Variants in CD99L2 observed in about 807,000 individuals in gnomAD.
The protein encoded by CD99L2 is CD99 molecule like 2.
In CD99L2, 24 loss-of-function variants were observed where a neutral mutation model predicts 27.3. The ratio of observed to expected loss-of-function variants is 0.88; its 90% CI spans 0.64 to 1.24. The LOEUF is 1.24. Ranked by LOEUF, CD99L2 falls within the 50% of genes most tolerant of loss-of-function variation. The pLI is 0.00. For missense variants in CD99L2, 255 were observed against 221.6 expected (o/e 1.15, Z -0.96); for synonymous variants, 97 against 87.9 (o/e 1.10, Z -0.58).
At chrX:150,803,054 C>G (rs140805680) in intron 4 of CD99L2, among the ~76,000 whole-genome samples, 1 of 106,814 alleles carries the variant, frequency 9.4e-6, no homozygotes, top group Non-Finnish European at 1.9e-5. Context: ...TGCCACTACA[C>G]CCCGCTAATT....
intron 4 of CD99L2, among the ~76,000 whole-genome samples, chrX:150,806,649 G>A (rs1287912031): frequency 8.9e-6 from 1 of 111,866 alleles, no homozygotes. Flanking sequence ...CCAGCACTTT[G>A]GGAGGCCGAG....
intron 2 of CD99L2, 26 bp downstream of exon 2, chrX:150,831,205 A>G: frequency 8.9e-7 from 1 of 1,127,133 alleles, no homozygotes. Context: ...GTTTGTTTTT[A>G]ATAGTTTATT....
Position 150,793,680 on chromosome X carries a change from A to C in CD99L2, c.496+11T>G. 8.5e-7 allele frequency: 1 copy of C among 1,178,780 alleles called. No homozygotes were observed. Among genetic ancestry groups the C allele is most frequent in the Non-Finnish European group, 1.1e-6 (1 of 878,855 alleles). On this transcript the variant is annotated intron_variant, in intron 7 of 10. Transcript: ENST00000370377. ...AATAAGGGTTGTGTTGGCACAAATC[A>C]ATGCTCCTACCTTTACCCTTGTCAG...
intron 4 of CD99L2, among the ~76,000 whole-genome samples, chrX:150,803,874 G>A (rs1471802755): frequency 1.8e-5 from 2 of 111,917 alleles, no homozygotes; most frequent in Admixed American, 1.9e-4. Flanking sequence ...TCACACAATT[G>A]ACAACAAAGC....
intron 4 of CD99L2, among the ~76,000 whole-genome samples, chrX:150,808,724 T>C (rs2046031475): frequency 8.9e-6 from 1 of 111,753 alleles, no homozygotes; most frequent in Non-Finnish European, 1.9e-5. Context: ...AAAAGGGAGA[T>C]TATTCTGGGT....
chrX:150,768,882 C>T lies in CD99L2; in HGVS notation c.*152G>A. The T allele has an allele frequency of 9.6e-7, 1 of 1,036,823 alleles. No individual in the cohort carries two copies. The highest frequency in any genetic ancestry group is 1.2e-6 in the Non-Finnish European group (1 of 816,786). 85.4% of individuals were successfully genotyped at this position (1,036,823 alleles called of 1,213,427 possible). On this transcript the variant is annotated 3_prime_UTR_variant, in exon 11 of 11. Coordinates refer to ENST00000370377, the MANE Select transcript of CD99L2 (RefSeq NM_031462.4). ...TGGGGCAGGGCAGAGAAACCAAACT[C>T]ACAAACACCCAGAGCTCATCCGGGA...
chrX:150,850,930 C>T (rs1410019032), intron 1 of CD99L2, among the ~76,000 whole-genome samples: 2 of 111,452 alleles, frequency 1.8e-5, no homozygotes, highest in Non-Finnish European at 1.9e-5. Context: ...CTCTGCCTCC[C>T]GGGTTCAAGT....
chrX:150,861,127 G>A (rs1392632347), intron 1 of CD99L2, among the ~76,000 whole-genome samples: 2 of 72,850 alleles, frequency 2.7e-5, no homozygotes, highest in African/African-American at 1.1e-4. Context: ...GGGTGACAGA[G>A]TGAGACTCTG....
At chrX:150,856,404 A>G (rs939239143) in intron 1 of CD99L2, among the ~76,000 whole-genome samples, 20 of 112,021 alleles carry the variant, frequency 1.8e-4, no homozygotes, top group African/African-American at 6.5e-4. Flanking sequence ...CTGGGCACTC[A>G]GCATGCTTGT....
At chrX:150,793,244 C>G (rs1172586468) in intron 7 of CD99L2, among the ~76,000 whole-genome samples, 2 of 112,022 alleles carry the variant, frequency 1.8e-5, no homozygotes, top group Non-Finnish European at 3.8e-5. Flanking sequence ...TTGTGAGAAC[C>G]ATTTCAAAAT....
intron 10 of CD99L2, 50 bp downstream of exon 10, chrX:150,770,254 G>C: frequency 9.0e-7 from 1 of 1,115,881 alleles, no homozygotes; most frequent in Non-Finnish European, 1.2e-6. Context: ...CTCAGTGCTG[G>C]GACCAACTAG....
rs1011553610 is a variant in CD99L2 at position 150,774,022 on chromosome X, A to G, written c.655+2152T>C. On this transcript the variant is annotated intron_variant, in intron 9 of 10. Coordinates refer to ENST00000370377, the MANE Select transcript of CD99L2 (RefSeq NM_031462.4). ...TATCTGACATGGTGCTTCCAGCCAA[A>G]TAAGCTCTCCAGCAAAGGTCCACAC... Among the ~76,000 whole-genome samples, 5 of 111,959 alleles carry G rather than the reference A, an allele frequency of 4.5e-5. No homozygotes were observed. In the South Asian group the frequency reaches 1.9e-3, roughly 44 times the overall value.
In CD99L2 at chrX:150,769,051, C is replaced by A; in HGVS notation, c.772G>T (p.Glu258Ter). The A allele has an allele frequency of 8.7e-7, 1 of 1,155,620 alleles. No homozygotes were observed. Among genetic ancestry groups the A allele is most frequent in the Non-Finnish European group, 1.1e-6 (1 of 876,022 alleles). ...TQSAEPPPPP[E>*]PARI ...CAGGGCCCTCAGATCCGGGCTGGTT[C>A]GGGCGGCGGCGGCGGCTCTGCAGAC... Residue 258 changes from glutamate (E) to a stop codon, truncating the protein, a stop_gained, in exon 11 of 11, where the codon GAA (glutamate) becomes TAA (stop). Coordinates refer to ENST00000370377, the MANE Select transcript of CD99L2 (RefSeq NM_031462.4). LOFTEE classifies it high-confidence loss of function.
In CD99L2 at chrX:150,863,605, T is replaced by C. The variant is rs578139149; in HGVS notation, c.68-32312A>G. On this transcript the variant is annotated intron_variant, in intron 1 of 10. Transcript: ENST00000370377. ...TTTTTTTGTTTGTTTGTTTGCTTGTTTGTTTGTATGTATGATTCTACTTGC... is the reference window on the plus strand; with the variant it reads ...TTTTTTTGTTTGTTTGTTTGCTTGTCTGTTTGTATGTATGATTCTACTTGC... Among the ~76,000 whole-genome samples, 11 of 111,958 alleles carry C rather than the reference T, an allele frequency of 9.8e-5. No individual in the cohort carries two copies. In the South Asian group the frequency reaches 3.7e-3, roughly 38 times the overall value.
In CD99L2 at chrX:150,864,657, G is replaced by A. The variant is rs141453552; in HGVS notation, c.68-33364C>T. Among the ~76,000 whole-genome samples the A allele has an allele frequency of 2.8e-3, 314 of 112,503 alleles. 2 individuals carry two copies. Among genetic ancestry groups the A allele is most frequent in the African/African-American group, 9.4e-3 (292 of 30,999 alleles). On this transcript the variant is annotated intron_variant, in intron 1 of 10. Transcript: ENST00000370377. ...AATTGGAAGCAACAAAGCAGATATA[G>A]CAACACGAAGAGATCTTGAAAACAC...
chrX:150,895,185 A>G (rs781878344), intron 1 of CD99L2, among the ~76,000 whole-genome samples: 2 of 111,518 alleles, frequency 1.8e-5, no homozygotes, highest in African/African-American at 6.5e-5. Context: ...AGGGCCTGGC[A>G]TATAGGTGTT....
chrX:150,775,880 TCA>T (rs2043543252), intron 9 of CD99L2, among the ~76,000 whole-genome samples: 1 of 112,137 alleles, frequency 8.9e-6, no homozygotes, highest in Non-Finnish European at 1.9e-5. Flanking sequence ...GAAGGAAACA[TCA>T]CAGTGGTCAC....
intron 1 of CD99L2, among the ~76,000 whole-genome samples, chrX:150,863,002 CA>C (rs1488680863): frequency 1.1e-4 from 12 of 112,685 alleles, no homozygotes; most frequent in Admixed American, 6.6e-4. Flanking sequence ...CCTTTAACGT[CA>C]CATTTTCAAC....
intron 1 of CD99L2, among the ~76,000 whole-genome samples, chrX:150,854,483 C>A (rs782628173): frequency 2.7e-5 from 3 of 111,145 alleles, no homozygotes; most frequent in Non-Finnish European, 5.7e-5. Flanking sequence ...TGAATTGTGC[C>A]CCCTCCCAAT....
Sources: allele counts gnomAD v4.1 joint callset (sites outside exome capture counted in the v4.1 genomes callset), GRCh38; gene constraint gnomAD v4.1.1; transcripts MANE v1.5; gene names NCBI Gene and HGNC (gene_info 2026-07-23, HGNC 2026-07-21).